Variants in PHACTR2 observed in about 807,000 individuals in gnomAD.
PHACTR2 encodes chromosome 6 open reading frame 56.
Under a neutral mutation model 76.0 loss-of-function variants are expected in PHACTR2, and 30 were observed. That is an observed-to-expected ratio of 0.39 (90% confidence interval 0.30 to 0.54). The LOEUF is 0.54. Ranked by LOEUF, PHACTR2 falls within the 20% of genes least tolerant of loss-of-function variation. The pLI is 0.61. For synonymous variants in PHACTR2, 292 were observed against 292.5 expected, an observed-to-expected ratio of 1.00 and a Z score of 0.02; for missense variants, 696 against 781.1, an observed-to-expected ratio of 0.89 and a Z score of 1.30.
At chr6:143,586,675 G>A (rs1246334043) in intron 1 of PHACTR2, among the ~76,000 whole-genome samples, 1 of 152,188 alleles carries the variant, frequency 6.6e-6, no homozygotes, top group Admixed American at 6.5e-5. Context: ...GGCGGTTTAT[G>A]CAGAAATTTC....
In PHACTR2 at chr6:143,664,348, A is replaced by T. The variant is rs1409390883; in HGVS notation, c.14-47668A>T. Among the ~76,000 whole-genome samples, 1 of 152,176 alleles carries T rather than the reference A, an allele frequency of 6.6e-6. No individual in the cohort carries two copies. The highest frequency in any genetic ancestry group is 2.4e-5 in the African/African-American group (1 of 41,448). ...GAGATGTACTATGTTTCTGCTGCTCACAATTTTTTAGTCTTTGTCATTAGA... is the reference window on the plus strand; with the variant it reads ...GAGATGTACTATGTTTCTGCTGCTCTCAATTTTTTAGTCTTTGTCATTAGA... On this transcript the variant is annotated intron_variant, in intron 1 of 11. Transcript: ENST00000305766. This position sits in a 1 kb window ranked among gnomAD's most constrained non-coding sequence, Gnocchi z 5.1.
At chr6:143,587,732 G>A (rs1322377455) in intron 1 of PHACTR2, among the ~76,000 whole-genome samples, 2 of 152,064 alleles carry the variant, frequency 1.3e-5, no homozygotes, top group African/African-American at 4.8e-5. Flanking sequence ...GTAAAATATT[G>A]GCCGGGCGCA....
chr6:143,706,835 G>A (rs1273266436), intron 1 of PHACTR2, among the ~76,000 whole-genome samples: 1 of 152,124 alleles, frequency 6.6e-6, no homozygotes, highest in African/African-American at 2.4e-5. Context: ...ATCTGTGATG[G>A]CTTATACCAT....
At chr6:143,555,843 A>T (rs917461053) in intron 1 of PHACTR2, among the ~76,000 whole-genome samples, 1 of 151,934 alleles carries the variant, frequency 6.6e-6, no homozygotes, top group Non-Finnish European at 1.5e-5. Context: ...ATAAAATCTA[A>T]TTATCACCTC....
At chr6:143,606,536 TAGG>T (rs1775875601), upstream of PHACTR2, among the ~76,000 whole-genome samples, 3 of 152,198 alleles carry the variant, frequency 2.0e-5, no homozygotes, top group Non-Finnish European at 4.4e-5. Context: ...TATTAGGCAA[TAGG>T]CACTGCCAAT....
intron 2 of PHACTR2, among the ~76,000 whole-genome samples, chr6:143,748,635 C>T (rs993775040): frequency 2.6e-5 from 4 of 152,222 alleles, no homozygotes; most frequent in African/African-American, 7.2e-5. Flanking sequence ...TCATACACTG[C>T]ATATCCATAG....
At chr6:143,545,792 T>C (rs1384051487) in intron 1 of PHACTR2, among the ~76,000 whole-genome samples, 1 of 152,234 alleles carries the variant, frequency 6.6e-6, no homozygotes, top group Non-Finnish European at 1.5e-5. Flanking sequence ...CTCTGAATTA[T>C]GAAAGAGATC....
At chr6:143,563,832 C>CAA (rs57687039) in intron 1 of PHACTR2, among the ~76,000 whole-genome samples, 1 of 145,270 alleles carries the variant, frequency 6.9e-6, no homozygotes, top group East Asian at 2.1e-4. Context: ...CCTGTCTCTA[C>CAA]AAAAAAAAAA....
chr6:143,727,342 T>C (rs570611007), intron 2 of PHACTR2, among the ~76,000 whole-genome samples: 1 of 152,328 alleles, frequency 6.6e-6, no homozygotes, highest in South Asian at 2.1e-4. Flanking sequence ...AATCATATTT[T>C]CTTTATCCAT....
rs1009503978 is a variant in PHACTR2 at position 143,679,269 on chromosome 6, T to C, written c.46+1060T>C. Among the ~76,000 whole-genome samples the C allele has an allele frequency of 7.2e-5, 11 of 152,174 alleles. No individual in the cohort carries two copies. The highest frequency in any genetic ancestry group is 2.7e-4 in the African/African-American group (11 of 41,448). ...GGTAGCACAGCTTCACTCCCTGAGATACCACAAGCTTTGCTGAGGTTTCTG... is the reference window on the plus strand; with the variant it reads ...GGTAGCACAGCTTCACTCCCTGAGACACCACAAGCTTTGCTGAGGTTTCTG... On this transcript the variant is annotated intron_variant, in intron 1 of 12. Coordinates refer to ENST00000440869, the MANE Select transcript of PHACTR2 (RefSeq NM_001100164.2). This position sits in a 1 kb window ranked among gnomAD's most constrained non-coding sequence, Gnocchi z 4.6.
At position 143,710,995 on chromosome 6, in the gene PHACTR2, A is replaced by G. The variant is rs371264257; in HGVS notation, c.47-1021A>G. 27 of 514,106 alleles carry G rather than the reference A, an allele frequency of 5.3e-5. No individual in the cohort carries two copies. Among genetic ancestry groups the G allele is most frequent in the Non-Finnish European group, 9.3e-5 (24 of 257,532 alleles). 31.8% of individuals were successfully genotyped at this position (514,106 alleles called of 1,614,324 possible). ...TTCACCTCTAAACACTTCAGCATAC[A>G]TGTCATTAATTAGACTTCACTGTCA... On this transcript the variant is annotated intron_variant, in intron 1 of 12. Coordinates refer to ENST00000440869, the MANE Select transcript of PHACTR2 (RefSeq NM_001100164.2). This position sits in a 1 kb window ranked among gnomAD's most constrained non-coding sequence, Gnocchi z 4.9.
intron 1 of PHACTR2, among the ~76,000 whole-genome samples, chr6:143,559,482 C>T (rs1180758657): frequency 1.3e-5 from 2 of 152,074 alleles, no homozygotes; most frequent in Non-Finnish European, 2.9e-5. Flanking sequence ...TGACATCTCT[C>T]CCTCCTACCT....
At chr6:143,649,004 C>G (rs947587032) in intron 1 of PHACTR2, among the ~76,000 whole-genome samples, 2 of 88,228 alleles carry the variant, frequency 2.3e-5, no homozygotes, top group Non-Finnish European at 4.5e-5. Flanking sequence ...CTGTGTGTCT[C>G]TGTGTGTGTC....
chr6:143,816,242 A>G lies in PHACTR2; in HGVS notation c.1923-7432A>G, dbSNP rs998035907. On this transcript the variant is annotated intron_variant, in intron 12 of 12. Coordinates refer to ENST00000440869, the MANE Select transcript of PHACTR2 (RefSeq NM_001100164.2). This position sits in a 1 kb window ranked among gnomAD's most constrained non-coding sequence, Gnocchi z 4.5. ...ATGCTGTCACATAGACAAACTTCTC[A>G]AGACGTAAAGCTGAACTTCTCCTAC... 3.3e-5 allele frequency among the ~76,000 whole-genome samples: 5 copies of G among 152,162 alleles called. No homozygotes were observed. The highest frequency in any genetic ancestry group is 5.9e-5 in the Non-Finnish European group (4 of 68,028).
In PHACTR2 at chr6:143,680,409, A is replaced by G. The variant is rs1396751764; in HGVS notation, c.46+2200A>G. Among the ~76,000 whole-genome samples, 1 of 152,206 alleles carries G rather than the reference A, an allele frequency of 6.6e-6. No homozygotes were observed. The highest frequency in any genetic ancestry group is 2.4e-5 in the African/African-American group (1 of 41,464). ...TCTCATCTTAAATGCTTAGTGGGCGAAAATCTGTTTAAGTCAAAGGAATCA... is the reference window on the plus strand; with the variant it reads ...TCTCATCTTAAATGCTTAGTGGGCGGAAATCTGTTTAAGTCAAAGGAATCA... On this transcript the variant is annotated intron_variant, in intron 1 of 12. Transcript: ENST00000440869. This position sits in a 1 kb window ranked among gnomAD's most constrained non-coding sequence, Gnocchi z 4.5.
At position 143,553,455 on chromosome 6, in the gene PHACTR2, G is replaced by A. The variant is rs185224122; in HGVS notation, c.217+16248G>A. ...GAGTTGGTGCATGTAAACCCAGCTG[G>A]GTTTGTTAACTGGTGCTTATGGAAG... On this transcript the variant is annotated intron_variant, in intron 1 of 11. Coordinates refer to the PHACTR2 transcript ENST00000367584. The surrounding 1 kb of genome is among the most constrained non-coding windows in gnomAD (Gnocchi z 4.2). 6.6e-6 allele frequency among the ~76,000 whole-genome samples: 1 copy of A among 152,180 alleles called. No homozygotes were observed. The highest frequency in any genetic ancestry group is 1.5e-5 in the Non-Finnish European group (1 of 68,036).
chr6:143,618,320 A>G lies in PHACTR2; in HGVS notation c.13+9998A>G, dbSNP rs1776093203. The stretch of plus-strand genomic sequence containing the variant: ...CAGAATGAGTTTCAGATCATTTTAA[A>G]TTGATAGTGACCTTAAATATTAAAG... On this transcript the variant is annotated intron_variant, in intron 1 of 11. Transcript: ENST00000305766. This position sits in a 1 kb window ranked among gnomAD's most constrained non-coding sequence, Gnocchi z 5.2. Among the ~76,000 whole-genome samples, 1 of 152,026 alleles carries G rather than the reference A, an allele frequency of 6.6e-6. No individual in the cohort carries two copies. Among genetic ancestry groups the G allele is most frequent in the Non-Finnish European group, 1.5e-5 (1 of 67,994 alleles).
At chr6:143,584,441 G>A (rs1217258897) in intron 1 of PHACTR2, among the ~76,000 whole-genome samples, 1 of 152,160 alleles carries the variant, frequency 6.6e-6, no homozygotes, top group East Asian at 1.9e-4. Flanking sequence ...AAAAGATAAA[G>A]AGTGGAACAA....
At position 143,789,257 on chromosome 6, in the gene PHACTR2, G is replaced by A. The variant is rs76177687; in HGVS notation, c.1845+347G>A. On this transcript the variant is annotated intron_variant, in intron 11 of 12. Coordinates refer to ENST00000440869, the MANE Select transcript of PHACTR2 (RefSeq NM_001100164.2). The surrounding 1 kb of genome is among the most constrained non-coding windows in gnomAD (Gnocchi z 5.1). ...ATGTTAATAGAAAGGTTTAATCTTC[G>A]TCGAGACTGGCACACTTTTAATAGA... 139 of 169,662 alleles carry A rather than the reference G, an allele frequency of 8.2e-4. No homozygotes were observed. The highest frequency in any genetic ancestry group is 3.1e-3 in the African/African-American group (131 of 42,344). The allele number at this position is 169,662 out of a possible 1,614,324, so 10.5% of individuals were successfully genotyped here. A position where few individuals can be genotyped will look rare whatever the true frequency, so the allele number is the denominator to read the frequency against.
Sources: gnomAD v4.1 joint callset for allele counts (sites outside exome capture counted in the v4.1 genomes callset) on GRCh38, gnomAD v4.1.1 for gene constraint, Gnocchi (gnomAD v3.1) non-coding constraint, MANE v1.5 for transcripts, NCBI Gene and HGNC (gene_info 2026-07-23, HGNC 2026-07-21) for gene names.